Variants in KIF13B observed in about 807,000 individuals in gnomAD.
The protein encoded by KIF13B is kinesin-like protein KIF13B.
In KIF13B, 127 loss-of-function variants were observed where a neutral mutation model predicts 222.0. The ratio of observed to expected loss-of-function variants is 0.57; its 90% CI spans 0.50 to 0.66. KIF13B has a LOEUF of 0.66. Ranked by LOEUF, KIF13B falls within the 30% of genes least tolerant of loss-of-function variation. KIF13B has a pLI of 0.00. For synonymous variants in KIF13B, 976 were observed against 919.0 expected (o/e 1.06, Z -1.12); for missense variants, 2,173 against 2,379.0 (o/e 0.91, Z 1.80).
chr8:29,109,659 T>C, intron 33 of KIF13B, 148 bp from the exon 34 acceptor site: 1 of 750,774 alleles, frequency 1.3e-6, no homozygotes, highest in South Asian at 1.6e-5. Flanking sequence ...ACGTACTGCA[T>C]GCCTGTATCA....
At chr8:29,088,269 A>G (rs555584550) in intron 37 of KIF13B, among the ~76,000 whole-genome samples, 1 of 152,328 alleles carries the variant, frequency 6.6e-6, no homozygotes, top group Admixed American at 6.5e-5. Flanking sequence ...CCATCTTAAA[A>G]AAAAAAATTA....
Position 29,118,964 on chromosome 8 carries a change from A to G in KIF13B, c.3564T>C (p.Leu1188=), listed in dbSNP as rs759285077. ...NADDFSSQDN[L]DDPEAGGWDA... ...CCCATCCACCAGCTTCTGGGTCATC[A>G]AGATTATCCTGAGAGCTGAAATCAT... Residue 1188 remains leucine (L), a synonymous_variant, in exon 30 of 40, where the codon CTT becomes CTC. Coordinates refer to ENST00000524189, the MANE Select transcript of KIF13B (RefSeq NM_015254.4). 1.9e-6 allele frequency: 3 copies of G among 1,613,740 alleles called. No individual in the cohort carries two copies. The highest frequency in any genetic ancestry group is 2.5e-6 in the Non-Finnish European group (3 of 1,179,814).
intron 11 of KIF13B, 33 bp downstream of exon 11, chr8:29,167,340 G>C: frequency 6.5e-7 from 1 of 1,536,956 alleles, no homozygotes; most frequent in Non-Finnish European, 9.0e-7. Flanking sequence ...CCTCTTCCTG[G>C]ACTCACAGGG....
chr8:29,071,623 A>G lies in KIF13B; in HGVS notation c.5215T>C (p.Ser1739Pro). The change falls in exon 39 of 40, where the codon TCA (serine) becomes CCA (proline). Residue 1739 changes from serine (S) to proline (P), a missense_variant. Ser to Pro is a moderately conservative substitution (Grantham distance 74). Transcript: ENST00000524189. The surrounding 1 kb of genome is among the most constrained non-coding windows in gnomAD (Gnocchi z 4.9). ...TWVGVELDLP[S>P]GKNDGSIGGK... ...GCCCGGAGTGCCCGGTACCCACCTG[A>G]GGGCAGGTCGAGCTCCACGCCGACC... The G allele has an allele frequency of 6.4e-7, 1 of 1,550,850 alleles. No homozygotes were observed. The highest frequency in any genetic ancestry group is 2.4e-5 in the East Asian group (1 of 40,954).
chr8:29,142,048 G>A (rs1193274000), intron 19 of KIF13B, 109 bp downstream of exon 19: 2 of 755,576 alleles, frequency 2.6e-6, no homozygotes, highest in South Asian at 2.0e-5. Context: ...TCCAGAAATA[G>A]GATTATAATT....
intron 19 of KIF13B, among the ~76,000 whole-genome samples, chr8:29,141,417 G>A (rs1810813189): frequency 6.6e-6 from 1 of 151,934 alleles, no homozygotes; most frequent in South Asian, 2.1e-4. Context: ...AAATAGGAGA[G>A]GGGTACCAAA....
At chr8:29,214,077 G>C (rs987535428) in intron 2 of KIF13B, among the ~76,000 whole-genome samples, 1 of 152,248 alleles carries the variant, frequency 6.6e-6, no homozygotes, top group Non-Finnish European at 1.5e-5. Flanking sequence ...ACTGGCCATT[G>C]CATCAGGTGA....
intron 3 of KIF13B, among the ~76,000 whole-genome samples, chr8:29,195,604 T>A (rs1813382693): frequency 6.6e-6 from 1 of 152,236 alleles, no homozygotes; most frequent in African/African-American, 2.4e-5. Flanking sequence ...AGTAACTTCA[T>A]GGTCAGTTAA....
chr8:29,253,273 G>A (rs1219814079), intron 1 of KIF13B, among the ~76,000 whole-genome samples: 2 of 152,202 alleles, frequency 1.3e-5, no homozygotes, highest in Non-Finnish European at 2.9e-5. Flanking sequence ...GAGCCCATGA[G>A]TTACAGGCTG....
chr8:29,197,683 C>T (rs1813503108), intron 2 of KIF13B, among the ~76,000 whole-genome samples: 1 of 152,170 alleles, frequency 6.6e-6, no homozygotes. Context: ...GCCCCTTCCT[C>T]ATCCTTCTTT....
intron 37 of KIF13B, among the ~76,000 whole-genome samples, chr8:29,086,327 G>A (rs1180884107): frequency 6.6e-6 from 1 of 152,160 alleles, no homozygotes; most frequent in Non-Finnish European, 1.5e-5. Flanking sequence ...ATATGTGGGT[G>A]ACTAAGCCGG....
intron 2 of KIF13B, among the ~76,000 whole-genome samples, chr8:29,204,314 T>C (rs996122746): frequency 2.0e-5 from 3 of 152,208 alleles, no homozygotes; most frequent in Non-Finnish European, 4.4e-5. Flanking sequence ...ATTCAAAGAA[T>C]ACACTCAGTA....
intron 18 of KIF13B, among the ~76,000 whole-genome samples, chr8:29,145,024 T>G (rs1167489629): frequency 5.3e-5 from 8 of 152,182 alleles, no homozygotes; most frequent in Admixed American, 5.2e-4. Flanking sequence ...TTATACACTA[T>G]AAAATCAAAG....
chr8:29,186,885 C>A (rs539820743), intron 5 of KIF13B, among the ~76,000 whole-genome samples: 2 of 150,820 alleles, frequency 1.3e-5, no homozygotes, highest in South Asian at 4.2e-4. Context: ...AGGAGAATTG[C>A]TTGAACCCGG....
At position 29,198,383 on chromosome 8, in the gene KIF13B, G is replaced by A. The variant is rs962349049; in HGVS notation, c.150-2184C>T. On this transcript the variant is annotated intron_variant, in intron 2 of 39. Coordinates refer to ENST00000524189, the MANE Select transcript of KIF13B (RefSeq NM_015254.4). ...GTGGCCCAGGCTGGAGTACAGTGGC[G>A]TGATCTTGGCTCACTGCAACCTCCG... Among the ~76,000 whole-genome samples the A allele has an allele frequency of 8.5e-5, 13 of 152,122 alleles. No individual in the cohort carries two copies. The East Asian group carries it at 1.4e-3, about 16-fold the overall frequency.
rs749524015 is a variant in KIF13B, at chr8:29,070,576, C to T, written c.5409G>A (p.Ser1803=). The T allele has an allele frequency of 7.5e-6, 12 of 1,604,146 alleles. No homozygotes were observed. The highest frequency in any genetic ancestry group is 9.4e-6 in the Non-Finnish European group (11 of 1,175,760). ...TLSGSATNLA[S]LTAALAKADR... ...CGGCCTTGGCCAGGGCAGCTGTCAG[C>T]GAGGCCAGGTTGGTGGCGGAGCCCG... The change falls in exon 40 of 40, where the codon TCG becomes TCA. Residue 1803 remains serine, a synonymous_variant. Transcript: ENST00000524189. This position sits in a 1 kb window ranked among gnomAD's most constrained non-coding sequence, Gnocchi z 4.1.
At chr8:29,173,001 G>A (rs1440448869) in intron 10 of KIF13B, among the ~76,000 whole-genome samples, 1 of 150,552 alleles carries the variant, frequency 6.6e-6, no homozygotes, top group Non-Finnish European at 1.5e-5. Context: ...TGCAACCTCC[G>A]ACTCCCAGGT....
chr8:29,225,168 G>T (rs185280615), intron 2 of KIF13B, among the ~76,000 whole-genome samples: 3 of 152,312 alleles, frequency 2.0e-5, no homozygotes, highest in African/African-American at 7.2e-5. Context: ...AGAATAGCAC[G>T]ACAGTGTGGG....
chr8:29,214,699 G>A (rs960587596), intron 2 of KIF13B, among the ~76,000 whole-genome samples: 1 of 152,206 alleles, frequency 6.6e-6, no homozygotes, highest in African/African-American at 2.4e-5. Flanking sequence ...TGATTATCAA[G>A]TATTATATAC....
Sources: gnomAD v4.1 joint callset for allele counts (sites outside exome capture counted in the v4.1 genomes callset) on GRCh38, gnomAD v4.1.1 for gene constraint, Gnocchi (gnomAD v3.1) non-coding constraint, MANE v1.5 for transcripts, NCBI Gene and HGNC (gene_info 2026-07-23, HGNC 2026-07-21) for gene names.